The following HAAO variants were observed in gnomAD, a reference collection of about 807,000 sequenced individuals.
HAAO encodes the protein 3-hydroxyanthranilate 3,4-dioxygenase.
In HAAO, 49 loss-of-function variants were observed where a neutral mutation model predicts 46.2. The ratio of observed to expected loss-of-function variants is 1.06; its 90% CI spans 0.84 to 1.34. The LOEUF (loss-of-function observed/expected upper bound fraction) is 1.34, where lower values mean the gene tolerates loss of function less well. Ranked by LOEUF, HAAO falls within the 40% of genes most tolerant of loss-of-function variation. The pLI, the probability that HAAO is intolerant of heterozygous loss-of-function variation, is 0.00. For missense variants in HAAO, 408 were observed against 364.5 expected (o/e 1.12, Z -0.97); for synonymous variants, 157 against 145.2 (o/e 1.08, Z -0.58).
intron 4 of HAAO, 64 bp downstream of exon 4, chr2:42,783,250 G>T: frequency 2.0e-6 from 2 of 980,460 alleles, no homozygotes; most frequent in Non-Finnish European, 3.2e-6. Context: ...TTCAGCTGCA[G>T]TTTGGAGCTG....
At chr2:42,783,286 C>T in intron 4 of HAAO, 28 bp downstream of exon 4, 1 of 1,386,436 alleles carries the variant, frequency 7.2e-7, no homozygotes, top group Non-Finnish European at 1.0e-6. Context: ...TGCCCTTTCT[C>T]TGCCCCAGCC....
intron 2 of HAAO, among the ~76,000 whole-genome samples, chr2:42,786,487 A>G (rs1672392346): frequency 6.6e-6 from 1 of 152,176 alleles, no homozygotes; most frequent in African/African-American, 2.4e-5. Flanking sequence ...TAGAGGAACA[A>G]TGCATATCAA....
At chr2:42,781,724 A>G (rs1234633898) in intron 4 of HAAO, among the ~76,000 whole-genome samples, 2 of 152,024 alleles carry the variant, frequency 1.3e-5, no homozygotes, top group Non-Finnish European at 2.9e-5. Flanking sequence ...AATTCAAAAA[A>G]TTAGCCGGGT....
At chr2:42,787,711 G>C (rs1672493109) in intron 2 of HAAO, among the ~76,000 whole-genome samples, 1 of 152,142 alleles carries the variant, frequency 6.6e-6, no homozygotes, top group African/African-American at 2.4e-5. Flanking sequence ...AGAGGCTGTT[G>C]ATCAAGCTGG....
At chr2:42,777,955 T>A (rs1445694380) in intron 4 of HAAO, among the ~76,000 whole-genome samples, 1 of 152,012 alleles carries the variant, frequency 6.6e-6, no homozygotes, top group Non-Finnish European at 1.5e-5. Context: ...AGGTTTTTTG[T>A]GGTAAGAAAG....
rs1313568656 is a variant in HAAO at position 42,792,497 on chromosome 2, T to G, written c.40A>C (p.Asn14His). The change falls in exon 1 of 10, where the codon AAC (asparagine) becomes CAC (histidine). Residue 14 changes from asparagine to histidine, a missense_variant. Transcript: ENST00000294973. ...ACCGGGGGCTGGAAGGAGCCCCGGT[T>G]CTCCTTCACCCAGGCCCTCACTCCC... ...RLGVRAWVKE[N>H]RGSFQPPVCN... 6.3e-7 allele frequency: 1 copy of G among 1,593,986 alleles called. No individual in the cohort carries two copies. The highest frequency in any genetic ancestry group is 1.1e-5 in the South Asian group (1 of 89,112).
At chr2:42,788,412 A>G in intron 2 of HAAO, 117 bp downstream of exon 2, 1 of 742,762 alleles carries the variant, frequency 1.3e-6, no homozygotes. Context: ...CTCATCAGCC[A>G]CATGTCCACC....
intron 4 of HAAO, among the ~76,000 whole-genome samples, chr2:42,772,634 T>A (rs1295136176): frequency 6.6e-6 from 1 of 152,180 alleles, no homozygotes; most frequent in Non-Finnish European, 1.5e-5. Context: ...TATTTTGTTT[T>A]CTTGAGATAT....
chr2:42,767,441 C>A lies in HAAO; in HGVS notation c.857G>T (p.Gly286Val), dbSNP rs200552980. Residue 286 changes from glycine to valine, a missense_variant, in exon 10 of 10, where the codon GGG becomes GTG. By Grantham distance (109) the Gly-to-Val change is moderately radical. Coordinates refer to ENST00000294973, the MANE Select transcript of HAAO (RefSeq NM_012205.3). ...TQDPACKKPL[G>V] ...CTTCAGGCCATGGCAAGAGGGTCAC[C>A]CCAGGGGCTTCTTGCAGGCAGGGTC... The A allele has an allele frequency of 3.0e-4, 484 of 1,611,238 alleles. 1 individual carries two copies. Among genetic ancestry groups the A allele is most frequent in the Non-Finnish European group, 3.9e-4 (465 of 1,178,464 alleles).
intron 7 of HAAO, among the ~76,000 whole-genome samples, 154 bp downstream of exon 7, chr2:42,769,559 A>C (rs1670921361): frequency 6.6e-6 from 1 of 151,384 alleles, no homozygotes. Context: ...TCATGTCTAC[A>C]ACCTCTGAAA....
chr2:42,772,207 G>A (rs1671181722), intron 4 of HAAO, among the ~76,000 whole-genome samples: 2 of 152,174 alleles, frequency 1.3e-5, no homozygotes, highest in South Asian at 4.1e-4. Flanking sequence ...TCGGCCGAAT[G>A]TGGTGGCTCA....
Position 42,788,433 on chromosome 2 carries a change from C to G in HAAO, c.159+96G>C, listed in dbSNP as rs1193437931. ...AGCCACATGTCCACCCCTCTCCAGTCCATCATCTCTGGGCCTCGAGTGGGA... is the reference window on the plus strand; with the variant it reads ...AGCCACATGTCCACCCCTCTCCAGTGCATCATCTCTGGGCCTCGAGTGGGA... On this transcript the variant is annotated intron_variant, in intron 2 of 9. Transcript: ENST00000294973. 25 of 812,414 alleles carry G rather than the reference C, an allele frequency of 3.1e-5. No individual in the cohort carries two copies. The East Asian group carries it at 5.4e-4, about 17-fold the overall frequency. 50.3% of individuals were successfully genotyped at this position (812,414 alleles called of 1,614,324 possible). A position where few individuals can be genotyped will look rare whatever the true frequency, so the allele number is the denominator to read the frequency against.
intron 8 of HAAO, 85 bp downstream of exon 8, chr2:42,767,775 G>A (rs1278847886): frequency 1.3e-6 from 2 of 1,550,580 alleles, no homozygotes; most frequent in Non-Finnish European, 1.8e-6. Context: ...CCAAGAGTGG[G>A]CCCCGTGTGG....
intron 4 of HAAO, chr2:42,783,074 T>A (rs1467520688): frequency 1.8e-6 from 1 of 558,862 alleles, no homozygotes; most frequent in Non-Finnish European, 3.2e-6. Flanking sequence ...CCAGCCAAAG[T>A]TCATCAGGCT....
At position 42,791,507 on chromosome 2, in the gene HAAO, C is replaced by T. The variant is rs377027286; in HGVS notation, c.80+950G>A. Reference sequence around the variant, plus strand: ...TGGCCATGTGGTATTGCATGGTAACCAAGAGTGTGCGTGGACTCTGGAGTC... The same window carrying T: ...TGGCCATGTGGTATTGCATGGTAACTAAGAGTGTGCGTGGACTCTGGAGTC... On this transcript the variant is annotated intron_variant, in intron 1 of 9. Coordinates refer to ENST00000294973, the MANE Select transcript of HAAO (RefSeq NM_012205.3). Among the ~76,000 whole-genome samples, 6 of 152,192 alleles carry T rather than the reference C, an allele frequency of 3.9e-5. No individual in the cohort carries two copies. The East Asian group carries it at 9.7e-4, about 25-fold the overall frequency.
At chr2:42,769,579 G>A (rs1210596494) in intron 7 of HAAO, 134 bp downstream of exon 7, 1 of 152,140 alleles carries the variant, frequency 6.6e-6, no homozygotes, top group Non-Finnish European at 1.0e-5. Context: ...ATGTGTGTGT[G>A]TGTGTGTGTG....
At chr2:42,773,583 AT>A (rs58425059) in intron 4 of HAAO, among the ~76,000 whole-genome samples, 21,302 of 122,950 alleles carry the variant, frequency 0.17, 980 homozygotes, top group Non-Finnish European at 0.21. Context: ...CCTACCCCCT[AT>A]TTTTTTTTTT....
chr2:42,781,145 T>G (rs1334047373), intron 4 of HAAO, among the ~76,000 whole-genome samples: 1 of 152,220 alleles, frequency 6.6e-6, no homozygotes, highest in East Asian at 1.9e-4. Context: ...TCTCTCTACC[T>G]GATTTCTCCA....
At chr2:42,787,702 G>T (rs1445350163) in intron 2 of HAAO, among the ~76,000 whole-genome samples, 1 of 152,158 alleles carries the variant, frequency 6.6e-6, no homozygotes, top group Non-Finnish European at 1.5e-5. Context: ...AGTGGGGACA[G>T]AGGCTGTTGA....
Sources: gnomAD v4.1 joint callset for allele counts (sites outside exome capture counted in the v4.1 genomes callset) on GRCh38, gnomAD v4.1.1 for gene constraint, MANE v1.5 for transcripts, NCBI Gene and HGNC (gene_info 2026-07-23, HGNC 2026-07-21) for gene names.